Variants in CDKN2B-AS1 observed in about 807,000 individuals in gnomAD.
The protein encoded by CDKN2B-AS1 is CDKN2B antisense RNA 1 (non-protein coding).
chr9:22,042,460 G>A (rs1822936442), intron 1 of CDKN2B-AS1, among the ~76,000 whole-genome samples: 1 of 152,024 alleles, frequency 6.6e-6, no homozygotes, highest in African/African-American at 2.4e-5. Context: ...AAAAGAGGAT[G>A]GCATAGAAAT....
intron 1 of CDKN2B-AS1, among the ~76,000 whole-genome samples, chr9:22,015,554 G>T (rs1044389506): frequency 2.6e-5 from 4 of 151,786 alleles, no homozygotes; most frequent in Admixed American, 6.6e-5. Context: ...ATCAATTTGG[G>T]GAAGACTGTC....
intron 1 of CDKN2B-AS1, among the ~76,000 whole-genome samples, chr9:22,016,654 A>T (rs1465851279): frequency 2.0e-5 from 3 of 152,154 alleles, no homozygotes; most frequent in Admixed American, 1.3e-4. Context: ...CATATCTACA[A>T]CTATCTGATC....
intron 4 of CDKN2B-AS1, among the ~76,000 whole-genome samples, chr9:22,090,840 A>G (rs1825055884): frequency 6.6e-6 from 1 of 151,948 alleles, no homozygotes; most frequent in African/African-American, 2.4e-5. Context: ...ATTAGATCCC[A>G]TTTGTCAATT....
chr9:22,009,124 A>G, intron 1 of CDKN2B-AS1: 1 of 929,492 alleles, frequency 1.1e-6, no homozygotes, highest in East Asian at 2.7e-5. Context: ...GGCCCCGTGC[A>G]GTGGCCGAGC....
Position 22,006,185 on chromosome 9 carries a change from G to A in CDKN2B-AS1, n.29+11024G>A, listed in dbSNP as rs1002162923. ...GGGTGAGAGTGGCAGGGTCTGCGCA[G>A]TTGGGCTCCGCGCCGTGGAGCAGCA... On this transcript the variant is annotated intron_variant and non_coding_transcript_variant, in intron 1 of 4. Coordinates refer to ENST00000650946, the Ensembl canonical transcript of CDKN2B-AS1. This position sits in a 1 kb window ranked among gnomAD's most constrained non-coding sequence, Gnocchi z 6.4. 2.5e-6 allele frequency: 4 copies of A among 1,609,446 alleles called. No individual in the cohort carries two copies. The Admixed American group carries it at 6.7e-5, about 27-fold the overall frequency.
At chr9:22,100,543 C>A (rs951554251) in intron 4 of CDKN2B-AS1, among the ~76,000 whole-genome samples, 5 of 151,960 alleles carry the variant, frequency 3.3e-5, no homozygotes, top group African/African-American at 1.2e-4. Context: ...TATATACCAC[C>A]TTTTGTTTTT....
intron 4 of CDKN2B-AS1, among the ~76,000 whole-genome samples, chr9:22,058,109 G>T (rs2131293741): frequency 6.6e-6 from 1 of 151,892 alleles, no homozygotes; most frequent in East Asian, 1.9e-4. Context: ...CAGGAGATTT[G>T]CTTGAATCCG....
At chr9:22,011,754 G>A (rs549228627) in intron 1 of CDKN2B-AS1, among the ~76,000 whole-genome samples, 1 of 152,314 alleles carries the variant, frequency 6.6e-6, no homozygotes, top group East Asian at 1.9e-4. Flanking sequence ...AATAGAGTGA[G>A]ATTATGAAAC....
In CDKN2B-AS1 at chr9:22,108,350, C is replaced by T. The variant is rs187061728; in HGVS notation, n.439-18753C>T. 1.7e-4 allele frequency among the ~76,000 whole-genome samples: 26 copies of T among 152,232 alleles called. 1 individual carries two copies. The East Asian group carries it at 2.9e-3, about 17-fold the overall frequency. ...AGTCGAGAAGGGAGTATTACTCTAA[C>T]GGTTTGAACACTTGTCTATGCACAT... On this transcript the variant is annotated intron_variant and non_coding_transcript_variant, in intron 4 of 4. Transcript: ENST00000650946.
intron 1 of CDKN2B-AS1, among the ~76,000 whole-genome samples, chr9:22,040,748 C>T (rs1437470048): frequency 6.6e-6 from 1 of 152,018 alleles, no homozygotes; most frequent in African/African-American, 2.4e-5. Context: ...TAGCCACACT[C>T]ACATGAATAC....
intron 3 of CDKN2B-AS1, among the ~76,000 whole-genome samples, chr9:22,053,359 C>G (rs988656849): frequency 6.6e-6 from 1 of 152,178 alleles, no homozygotes; most frequent in Non-Finnish European, 1.5e-5. Flanking sequence ...TTTTAGAAGA[C>G]AGTTGGGGGC....
At chr9:22,081,463 C>A (rs568063116) in intron 4 of CDKN2B-AS1, among the ~76,000 whole-genome samples, 9 of 152,284 alleles carry the variant, frequency 5.9e-5, no homozygotes, top group African/African-American at 1.7e-4. Flanking sequence ...GTATTACCAA[C>A]CCAAAGTTGA....
Position 21,997,431 on chromosome 9 carries a change from T to G in CDKN2B-AS1, n.29+2270T>G, listed in dbSNP as rs1820736352. ...GTGTGTATACAATTTTATATATACG[T>G]ACATTATATGTCTACACACACATAT... is the stretch of plus-strand genomic sequence containing the variant. On this transcript the variant is annotated intron_variant and non_coding_transcript_variant, in intron 1 of 4. Transcript: ENST00000650946. The surrounding 1 kb of genome is among the most constrained non-coding windows in gnomAD (Gnocchi z 4.8). Among the ~76,000 whole-genome samples the G allele has an allele frequency of 6.6e-6, 1 of 151,840 alleles. No homozygotes were observed. The highest frequency in any genetic ancestry group is 1.5e-5 in the Non-Finnish European group (1 of 67,980).
Position 22,107,021 on chromosome 9 carries a change from A to G in CDKN2B-AS1, n.439-20082A>G, listed in dbSNP as rs531379303. 7.9e-4 allele frequency among the ~76,000 whole-genome samples: 121 copies of G among 152,336 alleles called. 1 individual carries two copies. The highest frequency in any genetic ancestry group is 2.3e-3 in the African/African-American group (97 of 41,576). On this transcript the variant is annotated intron_variant and non_coding_transcript_variant, in intron 4 of 4. Coordinates refer to ENST00000650946, the Ensembl canonical transcript of CDKN2B-AS1. ...GGATAGTCTGCATTTCATGGTAAAG[A>G]CTATCAGATGCCACTAAAACTTTTT...
intron 4 of CDKN2B-AS1, among the ~76,000 whole-genome samples, chr9:22,068,206 C>T (rs1824142101): frequency 6.6e-6 from 1 of 152,168 alleles, no homozygotes. Flanking sequence ...AATCAGACAA[C>T]TCCACATACA....
intron 3 of CDKN2B-AS1, among the ~76,000 whole-genome samples, chr9:22,054,941 G>A (rs938705298): frequency 2.9e-4 from 44 of 151,802 alleles, no homozygotes; most frequent in African/African-American, 9.9e-4. Flanking sequence ...TAGTAGAGAT[G>A]GGGTTTCACC....
rs373630616 is a variant in CDKN2B-AS1 at position 22,016,019 on chromosome 9, C to T, written n.29+20858C>T. On this transcript the variant is annotated intron_variant and non_coding_transcript_variant, in intron 1 of 4. Coordinates refer to ENST00000650946, the Ensembl canonical transcript of CDKN2B-AS1. Reference sequence around the variant, plus strand: ...AGCCCTTTGTCAGATGAGTAGGTCGCGAAAATTTTCTCCCATTTTGTAGGT... The same window carrying T: ...AGCCCTTTGTCAGATGAGTAGGTCGTGAAAATTTTCTCCCATTTTGTAGGT... Among the ~76,000 whole-genome samples the T allele has an allele frequency of 2.4e-4, 37 of 152,178 alleles. No homozygotes were observed. The East Asian group carries it at 3.3e-3, about 13-fold the overall frequency.
chr9:22,062,231 C>A (rs960217744), intron 4 of CDKN2B-AS1, among the ~76,000 whole-genome samples: 1 of 152,150 alleles, frequency 6.6e-6, no homozygotes, highest in African/African-American at 2.4e-5. Flanking sequence ...AATAAAAATG[C>A]ACCATGCTAT....
intron 4 of CDKN2B-AS1, among the ~76,000 whole-genome samples, chr9:22,089,195 A>C (rs367948753): frequency 6.6e-6 from 1 of 152,196 alleles, no homozygotes; most frequent in East Asian, 1.9e-4. Context: ...AATAGTTAAA[A>C]ATTCAACTGT....
Sources: gnomAD v4.1 joint callset for allele counts (sites outside exome capture counted in the v4.1 genomes callset) on GRCh38, gnomAD v4.1.1 for gene constraint, Gnocchi (gnomAD v3.1) non-coding constraint, MANE v1.5 for transcripts, NCBI Gene and HGNC (gene_info 2026-07-23, HGNC 2026-07-21) for gene names.